KCTD1: variants seen among roughly 807,000 people sequenced by gnomAD.
KCTD1 encodes the protein BTB/POZ domain-containing protein KCTD1.
KCTD1 carries 24 observed loss-of-function variants against 66.0 expected under a neutral mutation model. That is an observed-to-expected ratio of 0.36 (90% confidence interval 0.26 to 0.51). KCTD1 has a LOEUF of 0.51. Among genes scored for constraint, KCTD1 ranks in the 20% least tolerant of loss-of-function variants. KCTD1 has a pLI of 0.95. For missense variants in KCTD1, 943 were observed against 1,205.2 expected, an observed-to-expected ratio of 0.78 and a Z score of 3.22; for synonymous variants, 511 against 517.2, an observed-to-expected ratio of 0.99 and a Z score of 0.16.
chr18:26,604,291 GAA>G (rs1450719485), intron 1 of KCTD1, among the ~76,000 whole-genome samples: 1 of 152,150 alleles, frequency 6.6e-6, no homozygotes, highest in Non-Finnish European at 1.5e-5. Context: ...TGGAGAAAAA[GAA>G]ACACTTACAT....
chr18:26,537,796 T>A (rs1984778456), intron 1 of KCTD1, among the ~76,000 whole-genome samples: 1 of 152,234 alleles, frequency 6.6e-6, no homozygotes, highest in Non-Finnish European at 1.5e-5. Flanking sequence ...ACTCCCTTCA[T>A]CTCAAGCCAT....
intron 2 of KCTD1, among the ~76,000 whole-genome samples, chr18:26,481,206 G>C (rs558945941): frequency 3.0e-4 from 45 of 152,294 alleles, no homozygotes; most frequent in African/African-American, 1.1e-3. Flanking sequence ...AGTCGTCGGG[G>C]CTGGGAGTGT....
intron 1 of KCTD1, among the ~76,000 whole-genome samples, chr18:26,610,902 T>G (rs1361369732): frequency 6.6e-6 from 1 of 152,234 alleles, no homozygotes; most frequent in Non-Finnish European, 1.5e-5. Context: ...TAACTGAGTA[T>G]GAGCAATTTG....
At chr18:26,521,570 T>G (rs899305698) in intron 1 of KCTD1, among the ~76,000 whole-genome samples, 4 of 152,220 alleles carry the variant, frequency 2.6e-5, no homozygotes, top group Non-Finnish European at 4.4e-5. Flanking sequence ...ACAATAAATT[T>G]TTCCTTAAAG....
chr18:26,557,238 C>CT (rs900914662), intron 1 of KCTD1, among the ~76,000 whole-genome samples: 7 of 152,058 alleles, frequency 4.6e-5, no homozygotes, highest in Admixed American at 6.6e-5. Flanking sequence ...ATTCCTCAAG[C>CT]TTTTTTTGCT....
chr18:26,511,701 G>A (rs1372068149), intron 1 of KCTD1, among the ~76,000 whole-genome samples: 1 of 152,172 alleles, frequency 6.6e-6, no homozygotes, highest in Non-Finnish European at 1.5e-5. Context: ...TATTTTACAT[G>A]CTAGCCATTG....
Position 26,637,066 on chromosome 18 carries a change from G to A in KCTD1, c.-107+3245C>T, listed in dbSNP as rs1285938341. ...CTCGCTCCCTCCAGAGCACCTCGGA[G>A]GGCTTCAGACCCCTCGTGTTTGTGC... On this transcript the variant is annotated intron_variant, in intron 1 of 5. Transcript: ENST00000579973. Among the ~76,000 whole-genome samples the A allele has an allele frequency of 2.0e-5, 3 of 152,192 alleles. No homozygotes were observed. The East Asian group carries it at 5.8e-4, about 29-fold the overall frequency.
chr18:26,647,340 C>CCT (rs1555649526), intron 1 of KCTD1, among the ~76,000 whole-genome samples: 10 of 149,526 alleles, frequency 6.7e-5, no homozygotes, highest in African/African-American at 2.0e-4. Context: ...AACCCCCCCC[C>CCT]CATCTCTACT....
At chr18:26,630,172 G>A (rs1987586965), upstream of KCTD1, among the ~76,000 whole-genome samples, 1 of 152,150 alleles carries the variant, frequency 6.6e-6, no homozygotes, top group South Asian at 2.1e-4. Context: ...GTGCCTTCCT[G>A]CTAATACAGG....
intron 2 of KCTD1, among the ~76,000 whole-genome samples, chr18:26,485,746 C>T (rs1981884038): frequency 6.6e-6 from 1 of 152,072 alleles, no homozygotes; most frequent in Non-Finnish European, 1.5e-5. Flanking sequence ...GCCCACCCTC[C>T]TCTCAACACT....
At chr18:26,533,336 C>T (rs2186948) in intron 1 of KCTD1, among the ~76,000 whole-genome samples, 65,312 of 152,056 alleles carry the variant, frequency 0.43, 14,999 homozygotes, top group East Asian at 0.6. Flanking sequence ...TGGTTTTTGT[C>T]AACTGAGCAA....
intron 2 of KCTD1, 88 bp downstream of exon 2, chr18:26,500,984 C>T (rs1032995224): frequency 4.9e-6 from 7 of 1,431,384 alleles, no homozygotes; most frequent in East Asian, 2.3e-5. Context: ...CCTGCCTCCA[C>T]GAGGCTACAC....
intron 3 of KCTD1, among the ~76,000 whole-genome samples, chr18:26,463,356 G>A (rs927395451): frequency 2.6e-5 from 4 of 151,780 alleles, no homozygotes; most frequent in East Asian, 3.9e-4. Context: ...AGTTGAGGCT[G>A]CAGTGAGCTA....
upstream of KCTD1, among the ~76,000 whole-genome samples, chr18:26,642,553 T>C (rs1987852498): frequency 6.6e-6 from 1 of 152,184 alleles, no homozygotes; most frequent in Admixed American, 6.5e-5. Context: ...AGTGTTGATG[T>C]TGAAAAATAC....
chr18:26,471,335 A>AT (rs1384622711), intron 3 of KCTD1, among the ~76,000 whole-genome samples: 1 of 151,650 alleles, frequency 6.6e-6, no homozygotes, highest in Non-Finnish European at 1.5e-5. Flanking sequence ...GTGTGATGTG[A>AT]TTTTCCATGT....
chr18:26,571,818 C>A (rs549749878), intron 1 of KCTD1, among the ~76,000 whole-genome samples: 1 of 151,922 alleles, frequency 6.6e-6, no homozygotes, highest in Non-Finnish European at 1.5e-5. Flanking sequence ...AAAAAAGTCA[C>A]GGGGTAGCAA....
At chr18:26,465,105 T>C (rs1013474220) in intron 3 of KCTD1, among the ~76,000 whole-genome samples, 3 of 152,166 alleles carry the variant, frequency 2.0e-5, no homozygotes, top group African/African-American at 7.2e-5. Flanking sequence ...TCTTTTTTAA[T>C]GGAGTTTCTC....
chr18:26,527,517 C>T (rs1984228493), intron 1 of KCTD1, among the ~76,000 whole-genome samples: 1 of 147,650 alleles, frequency 6.8e-6, no homozygotes, highest in African/African-American at 2.5e-5. Context: ...GGAGGGATGA[C>T]GAGGTGGAAC....
At chr18:26,482,771 T>C (rs1179776054) in intron 2 of KCTD1, among the ~76,000 whole-genome samples, 1 of 151,882 alleles carries the variant, frequency 6.6e-6, no homozygotes. Flanking sequence ...TGCATGGTAA[T>C]TACAGAGGGA....
Sources: allele counts gnomAD v4.1 joint callset (sites outside exome capture counted in the v4.1 genomes callset), GRCh38; gene constraint gnomAD v4.1.1; transcripts MANE v1.5; gene names NCBI Gene and HGNC (gene_info 2026-07-23, HGNC 2026-07-21).